Variants in ST8SIA3 observed in about 807,000 individuals in gnomAD.
ST8SIA3 encodes the protein ST8 alpha-N-acetyl-neuraminide alpha-2,8-sialyltransferase 3, also known as alpha-N-acetylneuraminate alpha-2,8-sialyltransferase ST8SIA3.
A neutral mutation model predicts 34.5 loss-of-function variants in ST8SIA3; 17 were observed. The observed-to-expected ratio is 0.49, with a 90% confidence interval of 0.34 to 0.74. The LOEUF (loss-of-function observed/expected upper bound fraction) is 0.74, where lower values mean the gene tolerates loss of function less well. ST8SIA3 is among the 30% of genes least tolerant of loss of function. The probability of loss-of-function intolerance (pLI) is 0.01; values close to 1 mark genes in which losing one functional copy is unlikely to be tolerated. For missense variants in ST8SIA3, 354 were observed against 467.8 expected, an observed-to-expected ratio of 0.76 and a Z score of 2.24; for synonymous variants, 172 against 176.1, an observed-to-expected ratio of 0.98 and a Z score of 0.19.
Position 57,368,827 on chromosome 18 carries a change from A to C in ST8SIA3, c.*8550A>C, listed in dbSNP as rs774168991. On this transcript the variant is annotated 3_prime_UTR_variant, in exon 4 of 4. Transcript: ENST00000324000. Reference sequence around the variant, plus strand: ...AACCATTTGCTTCGACAGCTCCTCAAATGTACTTGTTAAGTGTGAATGTGC... The same window carrying C: ...AACCATTTGCTTCGACAGCTCCTCACATGTACTTGTTAAGTGTGAATGTGC... The C allele has an allele frequency of 6.6e-6, 1 of 152,236 alleles. No individual in the cohort carries two copies. Among genetic ancestry groups the C allele is most frequent in the Non-Finnish European group, 1.5e-5 (1 of 68,044 alleles). The allele number at this position is 152,236 out of a possible 1,614,324, so 9.4% of individuals were successfully genotyped here. A position where few individuals can be genotyped will look rare whatever the true frequency, so the allele number is the denominator to read the frequency against.
intron 2 of ST8SIA3, 148 bp from the exon 3 acceptor site, chr18:57,356,763 TCC>T: frequency 1.7e-6 from 1 of 589,276 alleles, no homozygotes; most frequent in Non-Finnish European, 3.0e-6. Context: ...GAAGCAGTCC[TCC>T]CTTCAAGGAC....
At chr18:57,353,352 G>C (rs1257035932) in intron 1 of ST8SIA3, among the ~76,000 whole-genome samples, 1 of 152,102 alleles carries the variant, frequency 6.6e-6, no homozygotes, top group South Asian at 2.1e-4. Flanking sequence ...GTGTTTGTTC[G>C]GGAGGGGGCG....
chr18:57,359,928 G>C, intron 3 of ST8SIA3, 67 bp from the exon 4 acceptor site: 1 of 1,409,498 alleles, frequency 7.1e-7, no homozygotes, highest in Non-Finnish European at 9.9e-7. Context: ...AGCCCAGTCA[G>C]ATAGACCTTG....
rs1206833543 is a variant in ST8SIA3 at position 57,360,973 on chromosome 18, A to T, written c.*696A>T. On this transcript the variant is annotated 3_prime_UTR_variant, in exon 4 of 4. Coordinates refer to ENST00000324000, the MANE Select transcript of ST8SIA3 (RefSeq NM_015879.3). Reference sequence around the variant, plus strand: ...TTCCTTTTTTAAAGAAATGCCTCTGATGCAGTCCTCACCAGTCCATTCAGT... The same window carrying T: ...TTCCTTTTTTAAAGAAATGCCTCTGTTGCAGTCCTCACCAGTCCATTCAGT... 7 of 152,456 alleles carry T rather than the reference A, an allele frequency of 4.6e-5. No individual in the cohort carries two copies. Among genetic ancestry groups the T allele is most frequent in the East Asian group, 3.8e-4 (2 of 5,202 alleles). 9.4% of individuals were successfully genotyped at this position (152,456 alleles called of 1,614,324 possible).
At chr18:57,355,717 T>TA (rs2049794813) in intron 2 of ST8SIA3, among the ~76,000 whole-genome samples, 1 of 152,146 alleles carries the variant, frequency 6.6e-6, no homozygotes, top group African/African-American at 2.4e-5. Context: ...CAATAAAAAA[T>TA]ATTCTTCCCA....
intron 1 of ST8SIA3, among the ~76,000 whole-genome samples, chr18:57,354,047 G>T (rs71355614): frequency 0.042 from 6,455 of 152,336 alleles, 607 homozygotes; most frequent in East Asian, 0.37. Flanking sequence ...CTGCAAAGGC[G>T]TAGCGGGTCA....
rs139944275 is a variant in ST8SIA3 at position 57,352,987 on chromosome 18, G to C, written c.141G>C (p.Pro47=). The C allele has an allele frequency of 1.1e-4, 182 of 1,611,190 alleles. No homozygotes were observed. The highest frequency in any genetic ancestry group is 3.3e-4 in the Middle Eastern group (2 of 6,062). The change falls in exon 1 of 4, where the codon CCG becomes CCC. Residue 47 remains proline (P), a synonymous_variant. Transcript: ENST00000324000. ...TCACCACTCCCAAGTACGCCAGCCC[G>C]GGGGCGCCCCGAATGTACATGTTCC... ...NIFTTPKYAS[P]GAPRMYMFHA...
Position 57,352,961 on chromosome 18 carries a change from T to C in ST8SIA3, c.115T>C (p.Phe39Leu), listed in dbSNP as rs773728443. The change falls in exon 1 of 4, where the codon TTC becomes CTC. Residue 39 changes from phenylalanine to leucine, a missense_variant. By Grantham distance (22) the Phe-to-Leu change is conservative. Around this residue, in one of 3 missense-constraint regions of ST8SIA3, gnomAD observed 184 missense variants for 205.4 expected, o/e 0.90. Coordinates refer to ENST00000324000, the MANE Select transcript of ST8SIA3 (RefSeq NM_015879.3). Reference sequence around the variant, plus strand: ...CGTGTCCCTGAAAAAGGAGAACATCTTCACCACTCCCAAGTACGCCAGCCC... The same window carrying C: ...CGTGTCCCTGAAAAAGGAGAACATCCTCACCACTCCCAAGTACGCCAGCCC... ...SYVSLKKENI[F>L]TTPKYASPGA... 1.2e-6 allele frequency: 2 copies of C among 1,613,186 alleles called. No individual in the cohort carries two copies. Among genetic ancestry groups the C allele is most frequent in the Non-Finnish European group, 1.7e-6 (2 of 1,179,938 alleles).
rs1159857211 is a variant in ST8SIA3 at position 57,362,747 on chromosome 18, G to T, written c.*2470G>T. 2.0e-5 allele frequency: 3 copies of T among 152,180 alleles called. No homozygotes were observed. The highest frequency in any genetic ancestry group is 2.9e-5 in the Non-Finnish European group (2 of 67,998). 9.4% of individuals were successfully genotyped at this position (152,180 alleles called of 1,614,324 possible). ...CTGCTTATAAGGAGGACTTCCTGGA[G>T]ATGATCCCAATAGATCACCCTTCAC... On this transcript the variant is annotated 3_prime_UTR_variant, in exon 4 of 4. Coordinates refer to ENST00000324000, the MANE Select transcript of ST8SIA3 (RefSeq NM_015879.3).
Position 57,368,190 on chromosome 18 carries a change from T to A in ST8SIA3, c.*7913T>A, listed in dbSNP as rs2049871282. ...CCATTAGTTAGATGGACATTGACAA[T>A]TAATTGTGAAAGCATTAATTAGAAG... is the stretch of plus-strand genomic sequence containing the variant. On this transcript the variant is annotated 3_prime_UTR_variant, in exon 4 of 4. Transcript: ENST00000324000. 1 of 152,210 alleles carries A rather than the reference T, an allele frequency of 6.6e-6. No homozygotes were observed. The highest frequency in any genetic ancestry group is 1.5e-5 in the Non-Finnish European group (1 of 68,028). 9.4% of individuals were successfully genotyped at this position (152,210 alleles called of 1,614,324 possible).
Position 57,356,980 on chromosome 18 carries a change from G to A in ST8SIA3, c.370G>A (p.Gly124Arg). ...FSLTKNSVRIGQLMHYDYSSH... is the reference protein window; with the variant it reads ...FSLTKNSVRIRQLMHYDYSSH... ...TTTGACCAAGAATAGTGTTCGGATT[G>A]GACAACTGATGCACTATGATTATTC... The change falls in exon 3 of 4, where the codon GGA becomes AGA. Residue 124 changes from glycine (G) to arginine (R), a missense_variant. Gly to Arg is a moderately radical substitution (Grantham distance 125). Around this residue, in one of 3 missense-constraint regions of ST8SIA3, gnomAD observed 184 missense variants for 205.4 expected, o/e 0.90. Coordinates refer to ENST00000324000, the MANE Select transcript of ST8SIA3 (RefSeq NM_015879.3). 2.5e-6 allele frequency: 4 copies of A among 1,613,858 alleles called. No homozygotes were observed. The highest frequency in any genetic ancestry group is 3.4e-6 in the Non-Finnish European group (4 of 1,179,858).
rs1263056373 is a variant in ST8SIA3, at chr18:57,360,831, A to G, written c.*554A>G. 1 of 153,634 alleles carries G rather than the reference A, an allele frequency of 6.5e-6. No individual in the cohort carries two copies. Among genetic ancestry groups the G allele is most frequent in the Non-Finnish European group, 1.4e-5 (1 of 69,088 alleles). 9.5% of individuals were successfully genotyped at this position (153,634 alleles called of 1,614,324 possible). On this transcript the variant is annotated 3_prime_UTR_variant, in exon 4 of 4. Transcript: ENST00000324000. ...CGTGGAGTTTAATAATTTGCTAGGA[A>G]TCCTATTGAATTCGCTTTGCTTGTA...
In ST8SIA3 at chr18:57,357,054, T is replaced by C. The variant is rs1177474517; in HGVS notation, c.444T>C (p.Leu148=). 6.2e-7 allele frequency: 1 copy of C among 1,614,090 alleles called. No individual in the cohort carries two copies. Among genetic ancestry groups the C allele is most frequent in the Non-Finnish European group, 8.5e-7 (1 of 1,179,984 alleles). ...TTAGCAATAACTTCCGGTCACTTCT[T>C]CCAGATGTGTCACCCATTATGAACA... ...FSISNNFRSL[L]PDVSPIMNKH... is the part of the protein sequence containing the mutation. Residue 148 remains leucine (L), a synonymous_variant, in exon 3 of 4, where the codon CTT becomes CTC. Transcript: ENST00000324000.
rs1436768691 is a variant in ST8SIA3, at chr18:57,361,407, G to A, written c.*1130G>A. ...GCCCAGGTGACTAGTGCTGAGGTGC[G>A]ATCGTTTTCCGTATCATTGTGTGCA... is the stretch of plus-strand genomic sequence containing the variant. On this transcript the variant is annotated 3_prime_UTR_variant, in exon 4 of 4. Transcript: ENST00000324000. 1 of 152,558 alleles carries A rather than the reference G, an allele frequency of 6.6e-6. No individual in the cohort carries two copies. The highest frequency in any genetic ancestry group is 1.5e-5 in the Non-Finnish European group (1 of 68,066). The allele number at this position is 152,558 out of a possible 1,614,324, so 9.5% of individuals were successfully genotyped here.
intron 1 of ST8SIA3, among the ~76,000 whole-genome samples, chr18:57,354,129 G>A (rs575400987): frequency 3.3e-5 from 5 of 152,212 alleles, no homozygotes; most frequent in Non-Finnish European, 7.3e-5. Context: ...CCAGCCCTGC[G>A]CCCGGCGTGC....
rs893518414 is a variant in ST8SIA3, at chr18:57,361,804, G to A, written c.*1527G>A. 3.3e-5 allele frequency: 5 copies of A among 152,442 alleles called. No individual in the cohort carries two copies. Among genetic ancestry groups the A allele is most frequent in the Non-Finnish European group, 1.5e-5 (1 of 68,002 alleles). The allele number at this position is 152,442 out of a possible 1,614,324, so 9.4% of individuals were successfully genotyped here. On this transcript the variant is annotated 3_prime_UTR_variant, in exon 4 of 4. Coordinates refer to ENST00000324000, the MANE Select transcript of ST8SIA3 (RefSeq NM_015879.3). ...GCATATTTGTTATGCATTTGAGTGG[G>A]GTAGCTCATTCTTTTCCTGAAATCT...
chr18:57,363,567 C>G lies in ST8SIA3; in HGVS notation c.*3290C>G, dbSNP rs1449629614. On this transcript the variant is annotated 3_prime_UTR_variant, in exon 4 of 4. Coordinates refer to ENST00000324000, the MANE Select transcript of ST8SIA3 (RefSeq NM_015879.3). ...ATGTGCAAAGGAAGAACCGCTGCCC[C>G]TGCCCTCAGCTTCCTTATGCCCGAG... The G allele has an allele frequency of 2.0e-5, 3 of 152,288 alleles. No homozygotes were observed. 9.4% of individuals were successfully genotyped at this position (152,288 alleles called of 1,614,324 possible).
Position 57,364,546 on chromosome 18 carries a change from G to A in ST8SIA3, c.*4269G>A, listed in dbSNP as rs1283294358. On this transcript the variant is annotated 3_prime_UTR_variant, in exon 4 of 4. Coordinates refer to ENST00000324000, the MANE Select transcript of ST8SIA3 (RefSeq NM_015879.3). ...AATTGTTTGAATGCACTAGGCACAA[G>A]TTTCTGTTTAAGCCTCTGCTTCTCC... The A allele has an allele frequency of 1.3e-5, 2 of 152,210 alleles. No individual in the cohort carries two copies. Among genetic ancestry groups the A allele is most frequent in the Admixed American group, 6.5e-5 (1 of 15,286 alleles). The allele number at this position is 152,210 out of a possible 1,614,324, so 9.4% of individuals were successfully genotyped here.
Position 57,357,354 on chromosome 18 carries a change from T to A in ST8SIA3, c.744T>A (p.Phe248Leu). Residue 248 changes from phenylalanine (F) to leucine (L), a missense_variant, in exon 3 of 4, where the codon TTT becomes TTA. By Grantham distance (22) the Phe-to-Leu change is conservative (BLOSUM62 0). Transcript: ENST00000324000. ...LDGAILWIPA[F>L]FFHTSATVTR... ...GGGCCATTCTTTGGATCCCTGCATT[T>A]TTCTTCCACACTTCAGCAACTGTGA... The A allele has an allele frequency of 6.2e-7, 1 of 1,613,474 alleles. No homozygotes were observed. The highest frequency in any genetic ancestry group is 8.5e-7 in the Non-Finnish European group (1 of 1,179,992).
Sources: allele counts gnomAD v4.1 joint callset (sites outside exome capture counted in the v4.1 genomes callset), GRCh38; gene constraint gnomAD v4.1.1; regional missense constraint gnomAD v4.1.1; transcripts MANE v1.5; gene names NCBI Gene and HGNC (gene_info 2026-07-23, HGNC 2026-07-21).